The following CSMD3 variants were observed in gnomAD, a reference collection of about 807,000 sequenced individuals.
CSMD3 encodes CUB and sushi domain-containing protein 3.
In CSMD3, 177 loss-of-function variants were observed where a neutral mutation model predicts 435.2. The ratio of observed to expected loss-of-function variants is 0.41; its 90% CI spans 0.36 to 0.46. CSMD3 has a LOEUF of 0.46. Among genes scored for constraint, CSMD3 ranks in the 20% least tolerant of loss-of-function variants. The probability of loss-of-function intolerance (pLI) is 0.34; values close to 1 mark genes in which losing one functional copy is unlikely to be tolerated. For missense variants in CSMD3, 4,265 were observed against 4,504.6 expected, an observed-to-expected ratio of 0.95 and a Z score of 1.52; for synonymous variants, 1,656 against 1,520.5, an observed-to-expected ratio of 1.09 and a Z score of -2.07.
chr8:113,046,560 C>T (rs1313792580), intron 5 of CSMD3, among the ~76,000 whole-genome samples: 3 of 152,186 alleles, frequency 2.0e-5, no homozygotes, highest in Non-Finnish European at 4.4e-5. Flanking sequence ...CGTCGATTGG[C>T]TGCCCCTACT....
At chr8:112,324,129 A>G (rs1223991215) in intron 45 of CSMD3, among the ~76,000 whole-genome samples, 1 of 152,048 alleles carries the variant, frequency 6.6e-6, no homozygotes, top group Non-Finnish European at 1.5e-5. Context: ...ATAAAGCAAG[A>G]TCATTACCCT....
chr8:112,820,647 T>A (rs2132432001), intron 12 of CSMD3, among the ~76,000 whole-genome samples: 1 of 152,032 alleles, frequency 6.6e-6, no homozygotes, highest in Non-Finnish European at 1.5e-5. Flanking sequence ...CTTAATTTTT[T>A]TTTTTTTTTT....
intron 13 of CSMD3, among the ~76,000 whole-genome samples, chr8:112,767,410 C>T (rs552058105): frequency 2.0e-5 from 3 of 151,642 alleles, no homozygotes; most frequent in Non-Finnish European, 4.4e-5. Flanking sequence ...AATTTATTAG[C>T]AAGAAATAGA....
intron 1 of CSMD3, among the ~76,000 whole-genome samples, chr8:113,346,778 A>C (rs1396558017): frequency 6.6e-6 from 1 of 152,186 alleles, no homozygotes; most frequent in African/African-American, 2.4e-5. Context: ...ATGACCATGA[A>C]TAATGCTTTA....
intron 13 of CSMD3, 75 bp downstream of exon 13, chr8:112,800,087 G>A: frequency 1.0e-6 from 1 of 966,316 alleles, no homozygotes; most frequent in African/African-American, 1.6e-5. Flanking sequence ...TTTTGTAGAT[G>A]CAATTAAACG....
At chr8:113,228,816 G>A (rs1219230013) in intron 3 of CSMD3, among the ~76,000 whole-genome samples, 4 of 151,522 alleles carry the variant, frequency 2.6e-5, no homozygotes, top group Non-Finnish European at 5.9e-5. Context: ...ATAACAAAGG[G>A]TAGGTAAATT....
intron 17 of CSMD3, among the ~76,000 whole-genome samples, chr8:112,660,200 T>G (rs9297477): frequency 0.77 from 116,399 of 151,956 alleles, 45,204 homozygotes; most frequent in African/African-American, 0.89. Flanking sequence ...CAAGAATCCA[T>G]TATGTGTTAG....
At chr8:113,222,402 T>A (rs956990014) in intron 3 of CSMD3, among the ~76,000 whole-genome samples, 1 of 150,984 alleles carries the variant, frequency 6.6e-6, no homozygotes, top group Non-Finnish European at 1.5e-5. Context: ...TCTATTGATA[T>A]GTATGGGCAA....
At chr8:112,424,689 T>A (rs897570293) in intron 32 of CSMD3, among the ~76,000 whole-genome samples, 1 of 151,558 alleles carries the variant, frequency 6.6e-6, no homozygotes, top group Non-Finnish European at 1.5e-5. Context: ...TTTTACTTAC[T>A]TATTTATTTA....
chr8:112,845,305 T>C (rs144920119), intron 11 of CSMD3, among the ~76,000 whole-genome samples: 139 of 152,134 alleles, frequency 9.1e-4, no homozygotes, highest in African/African-American at 3.3e-3. Context: ...AACATGTAAG[T>C]ACAATGTAAT....
intron 4 of CSMD3, among the ~76,000 whole-genome samples, chr8:113,128,863 C>T (rs1043114050): frequency 2.0e-5 from 3 of 151,962 alleles, no homozygotes; most frequent in African/African-American, 7.2e-5. Flanking sequence ...GTTTTTGAGG[C>T]ATCGAGAAAA....
chr8:112,477,672 A>T (rs112074953), intron 31 of CSMD3, among the ~76,000 whole-genome samples: 43 of 152,286 alleles, frequency 2.8e-4, no homozygotes, highest in African/African-American at 1.0e-3. Flanking sequence ...GCCTTCTGCA[A>T]GGATTGCAAG....
At chr8:112,435,205 G>C (rs1262866125) in intron 32 of CSMD3, among the ~76,000 whole-genome samples, 1 of 152,040 alleles carries the variant, frequency 6.6e-6, no homozygotes, top group East Asian at 1.9e-4. Flanking sequence ...TATTTTTCTT[G>C]AAAATAGAGA....
intron 11 of CSMD3, among the ~76,000 whole-genome samples, chr8:112,847,246 T>A (rs946117541): frequency 2.0e-5 from 3 of 152,060 alleles, no homozygotes; most frequent in Non-Finnish European, 4.4e-5. Context: ...TTATCTTCCA[T>A]ACACTATGCA....
intron 38 of CSMD3, among the ~76,000 whole-genome samples, chr8:112,367,211 C>G (rs1827865484): frequency 2.0e-5 from 3 of 152,090 alleles, no homozygotes. Flanking sequence ...ACAAGTAGCA[C>G]TATATTCACC....
At chr8:112,674,958 C>T (rs1163496364) in intron 16 of CSMD3, among the ~76,000 whole-genome samples, 6 of 152,032 alleles carry the variant, frequency 3.9e-5, no homozygotes, top group African/African-American at 1.4e-4. Context: ...TAGATAAAGA[C>T]ATATAGATCT....
intron 13 of CSMD3, among the ~76,000 whole-genome samples, chr8:112,738,425 A>G (rs1352672991): frequency 5.3e-5 from 8 of 151,782 alleles, no homozygotes; most frequent in Non-Finnish European, 1.2e-4. Flanking sequence ...TTATATAATA[A>G]TTATTATGCA....
chr8:112,954,028 T>G lies in CSMD3; in HGVS notation c.1420+656A>C, dbSNP rs1360366936. ...AAAATACATAGCTCTACTAAAAAAA[T>G]TTCGTGTTTGGTTATGGTAATTTAA... On this transcript the variant is annotated intron_variant, in intron 8 of 70. Transcript: ENST00000297405. Among the ~76,000 whole-genome samples, 3 of 151,422 alleles carry G rather than the reference T, an allele frequency of 2.0e-5. No homozygotes were observed. In the East Asian group the frequency reaches 5.8e-4, roughly 29 times the overall value.
rs143913305 is a variant in CSMD3, at chr8:113,253,336, G to A, written c.514+25256C>T. On this transcript the variant is annotated intron_variant, in intron 3 of 70. Transcript: ENST00000297405. The stretch of plus-strand genomic sequence containing the variant: ...GTTGGTGTGCTGCACCCATTAACTC[G>A]TCATTTACATTAGGTGTATCTCCTA... 8.3e-3 allele frequency among the ~76,000 whole-genome samples: 1,258 copies of A among 151,832 alleles called. 17 individuals carry two copies. The highest frequency in any genetic ancestry group is 0.028 in the African/African-American group (1,178 of 41,386).
Sources: gnomAD v4.1 joint callset for allele counts (sites outside exome capture counted in the v4.1 genomes callset) on GRCh38, gnomAD v4.1.1 for gene constraint, MANE v1.5 for transcripts, NCBI Gene and HGNC (gene_info 2026-07-23, HGNC 2026-07-21) for gene names.